The following SAMD4A variants were observed in gnomAD, a reference collection of about 807,000 sequenced individuals.
SAMD4A encodes the protein protein Smaug homolog 1.
SAMD4A carries 33 observed loss-of-function variants against 81.3 expected under a neutral mutation model. That is an observed-to-expected ratio of 0.41 (90% confidence interval 0.31 to 0.54). The LOEUF (loss-of-function observed/expected upper bound fraction) is 0.54. Ranked by LOEUF, SAMD4A falls within the 20% of genes least tolerant of loss-of-function variation. The pLI is 0.37. For missense variants in SAMD4A, 854 were observed against 951.1 expected, an observed-to-expected ratio of 0.90 and a Z score of 1.34; for synonymous variants, 389 against 382.1, an observed-to-expected ratio of 1.02 and a Z score of -0.21.
chr14:54,580,498 GCT>G, intron 2 of SAMD4A, among the ~76,000 whole-genome samples: 1 of 152,298 alleles, frequency 6.6e-6, no homozygotes, highest in South Asian at 2.1e-4. Flanking sequence ...ATCTGACTTG[GCT>G]ACTCTGGAGT....
chr14:54,607,559 C>G (rs2034244144), intron 2 of SAMD4A, among the ~76,000 whole-genome samples: 1 of 151,526 alleles, frequency 6.6e-6, no homozygotes, highest in Non-Finnish European at 1.5e-5. Context: ...GGGTTCATGC[C>G]ATTCTCCTGC....
intron 2 of SAMD4A, among the ~76,000 whole-genome samples, chr14:54,663,502 T>G (rs2035688711): frequency 6.6e-6 from 1 of 152,246 alleles, no homozygotes; most frequent in Non-Finnish European, 1.5e-5. Context: ...CAGGTAAGTA[T>G]ACATTCTTCC....
chr14:54,637,103 G>A (rs932725919), intron 2 of SAMD4A, among the ~76,000 whole-genome samples: 1 of 151,924 alleles, frequency 6.6e-6, no homozygotes, highest in African/African-American at 2.4e-5. Flanking sequence ...GGTAGCTCAC[G>A]CCTGTAATCC....
intron 2 of SAMD4A, among the ~76,000 whole-genome samples, chr14:54,649,601 C>T (rs867753901): frequency 2.6e-5 from 4 of 152,092 alleles, no homozygotes; most frequent in African/African-American, 4.8e-5. Context: ...TTTGTCGTGT[C>T]GCAAGTCAAT....
chr14:54,654,796 G>C (rs2035482696), intron 2 of SAMD4A, among the ~76,000 whole-genome samples: 2 of 152,174 alleles, frequency 1.3e-5, no homozygotes, highest in Non-Finnish European at 1.5e-5. Context: ...TGTGATACTT[G>C]GGAACCACCA....
At chr14:54,728,975 G>A (rs545848967) in intron 3 of SAMD4A, among the ~76,000 whole-genome samples, 36 of 152,298 alleles carry the variant, frequency 2.4e-4, no homozygotes, top group South Asian at 2.3e-3. Context: ...CCTGGCCTGC[G>A]GTTCAGCTCA....
intron 4 of SAMD4A, among the ~76,000 whole-genome samples, chr14:54,747,159 G>T (rs1419916048): frequency 1.3e-5 from 2 of 152,208 alleles, no homozygotes; most frequent in African/African-American, 4.8e-5. Flanking sequence ...TGGTCACAGA[G>T]GGACTCTTGC....
Position 54,702,602 on chromosome 14 carries a change from TA to T in SAMD4A, c.715+24del, listed in dbSNP as rs754447862. On this transcript the variant is annotated intron_variant, in intron 3 of 12. Transcript: ENST00000554335. ...ACAAGTAAGTTCCCCGGAATCCCTTTAACGTAGTCTGGTTTGGCGATTTGCT... is the reference window on the plus strand; with the variant it reads ...ACAAGTAAGTTCCCCGGAATCCCTTTACGTAGTCTGGTTTGGCGATTTGCT... 3.5e-5 allele frequency: 56 copies of T among 1,610,176 alleles called. 1 individual carries two copies. The South Asian group carries it at 6.0e-4, about 17-fold the overall frequency.
chr14:54,607,418 A>G (rs989533176), intron 2 of SAMD4A, among the ~76,000 whole-genome samples: 1 of 151,988 alleles, frequency 6.6e-6, no homozygotes, highest in Admixed American at 6.6e-5. Flanking sequence ...TGAGAGGCTG[A>G]AGAAGGTGGA....
chr14:54,699,805 C>T (rs2036666526), intron 2 of SAMD4A, among the ~76,000 whole-genome samples: 1 of 152,084 alleles, frequency 6.6e-6, no homozygotes, highest in Non-Finnish European at 1.5e-5. Flanking sequence ...ACATTCAGAC[C>T]CCAGGGCAGA....
At chr14:54,607,424 G>T (rs1333433886) in intron 2 of SAMD4A, among the ~76,000 whole-genome samples, 1 of 151,820 alleles carries the variant, frequency 6.6e-6, no homozygotes, top group East Asian at 2.0e-4. Flanking sequence ...GCTGAAGAAG[G>T]TGGATCACTT....
intron 3 of SAMD4A, among the ~76,000 whole-genome samples, chr14:54,720,726 G>A (rs4901531): frequency 0.98 from 149,087 of 152,156 alleles, 73,114 homozygotes; most frequent in East Asian, 1. Flanking sequence ...TTTTCTGCAC[G>A]TGAAACCCAA....
chr14:54,635,087 A>G (rs563750482), intron 2 of SAMD4A, among the ~76,000 whole-genome samples: 2 of 152,286 alleles, frequency 1.3e-5, no homozygotes, highest in Non-Finnish European at 2.9e-5. Flanking sequence ...TAGTTCACAA[A>G]TCACTTTTAT....
At chr14:54,761,178 C>G (rs1313026831) in intron 7 of SAMD4A, among the ~76,000 whole-genome samples, 1 of 152,216 alleles carries the variant, frequency 6.6e-6, no homozygotes, top group African/African-American at 2.4e-5. Flanking sequence ...CGTGCTTTAC[C>G]TATAGAGCTT....
At chr14:54,569,926 G>T (rs368298525) in intron 2 of SAMD4A, among the ~76,000 whole-genome samples, 19 of 152,232 alleles carry the variant, frequency 1.2e-4, no homozygotes, top group African/African-American at 4.3e-4. Flanking sequence ...GTTAAAATAA[G>T]GTGGCCTAAT....
chr14:54,760,095 C>A, intron 6 of SAMD4A, 66 bp from the exon 7 acceptor site: 1 of 1,507,658 alleles, frequency 6.6e-7, no homozygotes, highest in Non-Finnish European at 9.0e-7. Context: ...CAGGGGAGGG[C>A]AGGTACGGGG....
intron 2 of SAMD4A, among the ~76,000 whole-genome samples, chr14:54,638,476 A>G (rs1308131742): frequency 6.6e-6 from 1 of 152,182 alleles, no homozygotes; most frequent in African/African-American, 2.4e-5. Flanking sequence ...AGCATTATGG[A>G]TATTGTCATC....
chr14:54,655,608 C>T (rs575474769), intron 2 of SAMD4A, among the ~76,000 whole-genome samples: 9 of 152,062 alleles, frequency 5.9e-5, no homozygotes, highest in Non-Finnish European at 1.0e-4. Context: ...CATGGTGGCG[C>T]ATACCTGTAA....
At chr14:54,750,370 A>G (rs577401849) in intron 5 of SAMD4A, among the ~76,000 whole-genome samples, 1 of 152,294 alleles carries the variant, frequency 6.6e-6, no homozygotes, top group South Asian at 2.1e-4. Flanking sequence ...CTTCTTTAAG[A>G]AGAATTCTAT....
Sources: gnomAD v4.1 joint callset for allele counts (sites outside exome capture counted in the v4.1 genomes callset) on GRCh38, gnomAD v4.1.1 for gene constraint, MANE v1.5 for transcripts, NCBI Gene and HGNC (gene_info 2026-07-23, HGNC 2026-07-21) for gene names.